Variants in NUDT5 observed in about 807,000 individuals in gnomAD.
NUDT5 encodes ADP-sugar pyrophosphatase.
A neutral mutation model predicts 34.1 loss-of-function variants in NUDT5; 21 were observed. The observed-to-expected ratio is 0.62, with a 90% CI of 0.44 to 0.89. NUDT5 has a LOEUF of 0.89. Among genes scored for constraint, NUDT5 ranks in the 40% least tolerant of loss-of-function variants. The probability of loss-of-function intolerance (pLI) is 0.00; values close to 1 mark genes in which losing one functional copy is unlikely to be tolerated. For missense variants in NUDT5, 249 were observed against 274.8 expected, an observed-to-expected ratio of 0.91 and a Z score of 0.66; for synonymous variants, 85 against 97.6, an observed-to-expected ratio of 0.87 and a Z score of 0.76.
In NUDT5 at chr10:12,168,431, G is replaced by A. The variant is rs527442773; in HGVS notation, c.551-620C>T. Among the ~76,000 whole-genome samples the A allele has an allele frequency of 4.6e-4, 70 of 152,312 alleles. No homozygotes were observed. Among genetic ancestry groups the A allele is most frequent in the African/African-American group, 1.7e-3 (69 of 41,566 alleles). ...CTTTGCTTTTCTGAAACCAGATGGT[G>A]ATGATTATGTAGGATCTTAGGGATT... is the stretch of plus-strand genomic sequence containing the variant. On this transcript the variant is annotated intron_variant, in intron 9 of 9. Coordinates refer to ENST00000491614, the MANE Select transcript of NUDT5 (RefSeq NM_014142.4). The surrounding 1 kb of genome is among the most constrained non-coding windows in gnomAD (Gnocchi z 4.8).
chr10:12,176,587 G>A (rs1276424214), intron 5 of NUDT5, among the ~76,000 whole-genome samples: 2 of 152,084 alleles, frequency 1.3e-5, no homozygotes, highest in African/African-American at 4.8e-5. Flanking sequence ...CTGGGCAACA[G>A]AGCAGGACTC....
rs1312398178 is a variant in NUDT5 at position 12,167,191 on chromosome 10, T to C, written c.*511A>G. 3 of 159,056 alleles carry C rather than the reference T, an allele frequency of 1.9e-5. No individual in the cohort carries two copies. Among genetic ancestry groups the C allele is most frequent in the African/African-American group, 4.8e-5 (2 of 41,464 alleles). The allele number at this position is 159,056 out of a possible 1,614,324, so 9.9% of individuals were successfully genotyped here. On this transcript the variant is annotated 3_prime_UTR_variant, in exon 10 of 10. Transcript: ENST00000491614. ...AGGATTCTATCGAACCCTACCCTAG[T>C]TGGATTCAACTACCCTAGATAAATT... is the stretch of plus-strand genomic sequence containing the variant.
In NUDT5 at chr10:12,168,560, T is replaced by C. The variant is rs1248387535; in HGVS notation, c.551-749A>G. On this transcript the variant is annotated intron_variant, in intron 9 of 9. Transcript: ENST00000491614. The surrounding 1 kb of genome is among the most constrained non-coding windows in gnomAD (Gnocchi z 4.8). ...TACCAAGAATGCGGTCTCAGGACCTTATTACCACAGGCTTTCATTAAAATT... is the reference window on the plus strand; with the variant it reads ...TACCAAGAATGCGGTCTCAGGACCTCATTACCACAGGCTTTCATTAAAATT... Among the ~76,000 whole-genome samples the C allele has an allele frequency of 6.6e-6, 1 of 152,144 alleles. No homozygotes were observed. The highest frequency in any genetic ancestry group is 1.5e-5 in the Non-Finnish European group (1 of 68,020).
chr10:12,166,197 G>T lies in NUDT5; in HGVS notation c.*1505C>A. ...AGGTCATTCCCATGGGGAGTGGCTG[G>T]GGAGGAACTGGGCTATGTGGAAAGA... On this transcript the variant is annotated 3_prime_UTR_variant, in exon 10 of 10. Coordinates refer to ENST00000491614, the MANE Select transcript of NUDT5 (RefSeq NM_014142.4). 6.5e-6 allele frequency: 1 copy of T among 152,704 alleles called. No homozygotes were observed. Among genetic ancestry groups the T allele is most frequent in the Non-Finnish European group, 1.5e-5 (1 of 68,336 alleles). 9.5% of individuals were successfully genotyped at this position (152,704 alleles called of 1,614,324 possible).
At position 12,166,694 on chromosome 10, in the gene NUDT5, G is replaced by GT; in HGVS notation, c.*1007dup. On this transcript the variant is annotated 3_prime_UTR_variant, in exon 10 of 10. Transcript: ENST00000491614. ...GGATGAGAATCATCCTGAGAATTCC[G>GT]TGGGGGCCAGACTGGAAAGTCCTGG... is the stretch of plus-strand genomic sequence containing the variant. 1 of 504,932 alleles carries GT rather than the reference G, an allele frequency of 2.0e-6. No individual in the cohort carries two copies. The highest frequency in any genetic ancestry group is 1.5e-5 in the South Asian group (1 of 66,902). 31.3% of individuals were successfully genotyped at this position (504,932 alleles called of 1,614,324 possible).
In NUDT5 at chr10:12,168,094, G is replaced by A. The variant is rs550047415; in HGVS notation, c.551-283C>T. Among the ~76,000 whole-genome samples, 87 of 151,218 alleles carry A rather than the reference G, an allele frequency of 5.8e-4. No individual in the cohort carries two copies. The highest frequency in any genetic ancestry group is 2.0e-3 in the African/African-American group (83 of 41,102). ...AGCTAGAGGGCAATGGCGTGATCTC[G>A]GCTCACTGCAACCTCTGCCTCCTGG... On this transcript the variant is annotated intron_variant, in intron 9 of 9. Coordinates refer to ENST00000491614, the MANE Select transcript of NUDT5 (RefSeq NM_014142.4). This position sits in a 1 kb window ranked among gnomAD's most constrained non-coding sequence, Gnocchi z 4.8.
chr10:12,181,842 A>T lies in NUDT5; in HGVS notation c.132-2710T>A, dbSNP rs188874076. 8.4e-3 allele frequency among the ~76,000 whole-genome samples: 1,268 copies of T among 151,410 alleles called. 14 individuals are homozygous for T. Among genetic ancestry groups the T allele is most frequent in the African/African-American group, 0.028 (1,171 of 41,274 alleles). ...AAAAAAATAAAAATTAAATAAATTT[A>T]AAAAAAAAGGATATGGCCGGATGCG... On this transcript the variant is annotated intron_variant, in intron 3 of 9. Transcript: ENST00000491614. This position sits in a 1 kb window ranked among gnomAD's most constrained non-coding sequence, Gnocchi z 5.0.
At chr10:12,192,395 A>C (rs1386067813) in intron 1 of NUDT5, among the ~76,000 whole-genome samples, 1 of 152,138 alleles carries the variant, frequency 6.6e-6, no homozygotes, top group Non-Finnish European at 1.5e-5. Context: ...TTGTCTTGTT[A>C]AAGTCAGGCA....
chr10:12,179,659 G>C (rs972350193), intron 3 of NUDT5, among the ~76,000 whole-genome samples: 2 of 260 alleles, frequency 7.7e-3, no homozygotes, highest in African/African-American at 0.028. Context: ...TTAAATGTAG[G>C]CAAGTGCCCC....
At chr10:12,186,720 T>C (rs1160076719) in intron 1 of NUDT5, among the ~76,000 whole-genome samples, 2 of 151,452 alleles carry the variant, frequency 1.3e-5, no homozygotes, top group African/African-American at 2.4e-5. Flanking sequence ...CTCCGCCTCC[T>C]GGGTTCAAGT....
intron 3 of NUDT5, chr10:12,184,649 T>C (rs1835096704): frequency 2.3e-6 from 2 of 887,634 alleles, no homozygotes; most frequent in South Asian, 3.5e-5. Flanking sequence ...TCTACACTTG[T>C]CTACTTAGGG....
rs1834927432 is a variant in NUDT5 at position 12,175,118 on chromosome 10, G to C, written c.290-1305C>G. Among the ~76,000 whole-genome samples the C allele has an allele frequency of 6.6e-6, 1 of 152,034 alleles. No individual in the cohort carries two copies. Among genetic ancestry groups the C allele is most frequent in the African/African-American group, 2.4e-5 (1 of 41,406 alleles). ...GCAGATCACCTGAGGTCAGGGGTTCGAGACCAGCCTGGCCAACATGGTGAA... is the reference window on the plus strand; with the variant it reads ...GCAGATCACCTGAGGTCAGGGGTTCCAGACCAGCCTGGCCAACATGGTGAA... On this transcript the variant is annotated intron_variant, in intron 5 of 9. Transcript: ENST00000491614. This position sits in a 1 kb window ranked among gnomAD's most constrained non-coding sequence, Gnocchi z 4.8.
chr10:12,177,757 C>T (rs1178664288), intron 5 of NUDT5, 36 bp downstream of exon 5: 5 of 1,464,450 alleles, frequency 3.4e-6, no homozygotes, highest in African/African-American at 2.8e-5. Flanking sequence ...TTCAGGCCAA[C>T]ATCCCTAAGA....
In NUDT5 at chr10:12,169,248, C is replaced by G; in HGVS notation, c.551-1437G>C. 1 of 1,539,758 alleles carries G rather than the reference C, an allele frequency of 6.5e-7. No individual in the cohort carries two copies. Among genetic ancestry groups the G allele is most frequent in the South Asian group, 1.2e-5 (1 of 83,036 alleles). On this transcript the variant is annotated intron_variant, in intron 9 of 9. Transcript: ENST00000491614. This position sits in a 1 kb window ranked among gnomAD's most constrained non-coding sequence, Gnocchi z 4.8. Reference sequence around the variant, plus strand: ...CCTCACTTATTCTATTTTTTTCTCCCTTTTCTAAGACCAAAAGTGAAGTTA... The same window carrying G: ...CCTCACTTATTCTATTTTTTTCTCCGTTTTCTAAGACCAAAAGTGAAGTTA...
chr10:12,193,568 C>A (rs1048531581), intron 1 of NUDT5, among the ~76,000 whole-genome samples: 11 of 152,094 alleles, frequency 7.2e-5, no homozygotes, highest in African/African-American at 2.4e-4. Context: ...TGAAGACAAC[C>A]ACGGTGGTTA....
In NUDT5 at chr10:12,168,581, A is replaced by C. The variant is rs1834770025; in HGVS notation, c.551-770T>G. 6.6e-6 allele frequency among the ~76,000 whole-genome samples: 1 copy of C among 152,086 alleles called. No homozygotes were observed. Among genetic ancestry groups the C allele is most frequent in the Non-Finnish European group, 1.5e-5 (1 of 68,018 alleles). On this transcript the variant is annotated intron_variant, in intron 9 of 9. Transcript: ENST00000491614. This position sits in a 1 kb window ranked among gnomAD's most constrained non-coding sequence, Gnocchi z 4.8. ...ACCTTATTACCACAGGCTTTCATTA[A>C]AATTTGTTTCACTCAGATGGAGGTT... is the stretch of plus-strand genomic sequence containing the variant.
At chr10:12,168,000 C>T in intron 9 of NUDT5, 189 bp from the exon 10 acceptor site, 1 of 1,094,654 alleles carries the variant, frequency 9.1e-7, no homozygotes, top group Non-Finnish European at 1.2e-6. Flanking sequence ...ACATTCCTAG[C>T]ATGAGACAAG....
chr10:12,193,965 C>T (rs370367446), intron 1 of NUDT5, among the ~76,000 whole-genome samples: 1 of 152,160 alleles, frequency 6.6e-6, no homozygotes, highest in African/African-American at 2.4e-5. Flanking sequence ...CAACCTCCGC[C>T]TCCCGGATTC....
At chr10:12,177,303 A>G (rs1376809331) in intron 5 of NUDT5, among the ~76,000 whole-genome samples, 1 of 152,126 alleles carries the variant, frequency 6.6e-6, no homozygotes, top group Non-Finnish European at 1.5e-5. Flanking sequence ...GCAGATCACA[A>G]GGTCAGGAGA....
Sources: gnomAD v4.1 joint callset for allele counts (sites outside exome capture counted in the v4.1 genomes callset) on GRCh38, gnomAD v4.1.1 for gene constraint, Gnocchi (gnomAD v3.1) non-coding constraint, MANE v1.5 for transcripts, NCBI Gene and HGNC (gene_info 2026-07-23, HGNC 2026-07-21) for gene names.